Variants in STK32B observed in about 807,000 individuals in gnomAD.
STK32B encodes serine/threonine-protein kinase 32B.
STK32B carries 43 observed loss-of-function variants against 52.6 expected under a neutral mutation model. The ratio of observed to expected loss-of-function variants is 0.82; its 90% CI spans 0.64 to 1.05. STK32B has a LOEUF of 1.05. Among genes scored for constraint, STK32B ranks in the 50% least tolerant of loss-of-function variants. STK32B has a pLI of 0.00. For synonymous variants in STK32B, 238 were observed against 204.3 expected (o/e 1.17, Z -1.41); for missense variants, 621 against 534.6 (o/e 1.16, Z -1.59).
At position 5,316,635 on chromosome 4, in the gene STK32B, TA is replaced by T. The variant is rs1201285417; in HGVS notation, c.261-14583del. ...TATTATATATTATATATATAATATA[TA>T]ATATATTATATATATAATATATAAT... On this transcript the variant is annotated intron_variant, in intron 3 of 11. Coordinates refer to ENST00000282908, the MANE Select transcript of STK32B (RefSeq NM_018401.3). Among the ~76,000 whole-genome samples the T allele has an allele frequency of 8.8e-3, 81 of 9,170 alleles. 8 individuals are homozygous for T. The highest frequency in any genetic ancestry group is 0.01 in the Non-Finnish European group (74 of 7,138). 6.0% of individuals were successfully genotyped at this position (9,170 alleles called of 152,430 possible).
intron 3 of STK32B, among the ~76,000 whole-genome samples, chr4:5,206,107 TCTC>T (rs1198202080): frequency 3.3e-5 from 5 of 152,288 alleles, no homozygotes; most frequent in African/African-American, 1.2e-4. Context: ...GCTATTTCCT[TCTC>T]AAGCCTGTGA....
rs547022428 is a variant in STK32B at position 5,175,389 on chromosome 4, G to C, written c.260+6939G>C. On this transcript the variant is annotated intron_variant, in intron 3 of 11. Coordinates refer to ENST00000282908, the MANE Select transcript of STK32B (RefSeq NM_018401.3). ...AGGAGAAGAGGCACTCTGATTTTTA[G>C]AGTTTCCAGTTTTTCTGCTCTGTTT... Among the ~76,000 whole-genome samples the C allele has an allele frequency of 2.6e-5, 4 of 152,290 alleles. No individual in the cohort carries two copies. In the East Asian group the frequency reaches 7.7e-4, roughly 29 times the overall value.
chr4:5,349,054 A>G (rs116835001), intron 4 of STK32B, among the ~76,000 whole-genome samples: 1,799 of 150,850 alleles, frequency 0.012, 24 homozygotes, highest in African/African-American at 0.042. Context: ...GGGTTGTTCT[A>G]CCATTGTGAC....
At chr4:5,494,192 CATT>C (rs1264389046) in intron 11 of STK32B, among the ~76,000 whole-genome samples, 2 of 152,152 alleles carry the variant, frequency 1.3e-5, no homozygotes, top group African/African-American at 4.8e-5. Context: ...TAAAGTCTCC[CATT>C]ATTATTGTGT....
intron 1 of STK32B, among the ~76,000 whole-genome samples, chr4:5,139,320 G>A (rs1311970234): frequency 6.6e-6 from 1 of 152,182 alleles, no homozygotes; most frequent in Admixed American, 6.5e-5. Context: ...CCTCCATGAG[G>A]ACCTGAGGGC....
At position 5,173,145 on chromosome 4, in the gene STK32B, C is replaced by T. The variant is rs183840513; in HGVS notation, c.260+4695C>T. Among the ~76,000 whole-genome samples the T allele has an allele frequency of 5.3e-3, 799 of 152,174 alleles. 3 individuals carry two copies. The highest frequency in any genetic ancestry group is 8.5e-3 in the African/African-American group (352 of 41,496). ...ATAGTAGTTTGTATTTCTGTGGGAT[C>T]GGTGGTGATATCCCCTTTGTCATTT... On this transcript the variant is annotated intron_variant, in intron 3 of 11. Transcript: ENST00000282908.
chr4:5,242,304 G>C (rs945967250), intron 3 of STK32B, among the ~76,000 whole-genome samples: 14 of 152,302 alleles, frequency 9.2e-5, no homozygotes, highest in Admixed American at 7.2e-4. Context: ...TTGTGGTTTT[G>C]ATTTGCATTT....
chr4:5,378,126 G>A lies in STK32B; in HGVS notation c.435-20081G>A, dbSNP rs558793205. On this transcript the variant is annotated intron_variant, in intron 4 of 11. Coordinates refer to ENST00000282908, the MANE Select transcript of STK32B (RefSeq NM_018401.3). The surrounding 1 kb of genome is among the most constrained non-coding windows in gnomAD (Gnocchi z 4.4). Reference sequence around the variant, plus strand: ...CTGACATAATTAGGAAAATTAAAAAGAACTGAAAAAGGAGTAACTGCCTCC... The same window carrying A: ...CTGACATAATTAGGAAAATTAAAAAAAACTGAAAAAGGAGTAACTGCCTCC... Among the ~76,000 whole-genome samples the A allele has an allele frequency of 3.9e-5, 6 of 152,316 alleles. No homozygotes were observed. The South Asian group carries it at 1.0e-3, about 26-fold the overall frequency.
At position 5,414,087 on chromosome 4, in the gene STK32B, A is replaced by G. The variant is rs1170720211; in HGVS notation, c.473-2758A>G. On this transcript the variant is annotated intron_variant, in intron 5 of 11. Coordinates refer to ENST00000282908, the MANE Select transcript of STK32B (RefSeq NM_018401.3). ...AAAATTGGAAACAACCTGAATACCC[A>G]TAATAGGGAATTGCTGAATAAATGA... 7.2e-5 allele frequency among the ~76,000 whole-genome samples: 11 copies of G among 152,330 alleles called. No homozygotes were observed. The East Asian group carries it at 1.7e-3, about 24-fold the overall frequency.
intron 4 of STK32B, among the ~76,000 whole-genome samples, chr4:5,348,524 C>A (rs1733614350): frequency 6.6e-6 from 1 of 152,198 alleles, no homozygotes; most frequent in African/African-American, 2.4e-5. Context: ...AGAGGGGTGA[C>A]TGCACATTTT....
At chr4:5,433,118 T>C (rs1341855499) in intron 6 of STK32B, among the ~76,000 whole-genome samples, 1 of 151,878 alleles carries the variant, frequency 6.6e-6, no homozygotes, top group Non-Finnish European at 1.5e-5. Context: ...AGGCAAGTGG[T>C]TGAGGGAGCA....
upstream of STK32B, among the ~76,000 whole-genome samples, chr4:5,050,482 A>C (rs1445134757): frequency 1.3e-5 from 2 of 152,152 alleles, no homozygotes; most frequent in Non-Finnish European, 2.9e-5. Flanking sequence ...CTCCCAAGAA[A>C]AAGAAAGAAG....
At chr4:5,274,815 C>G (rs1053556442) in intron 3 of STK32B, among the ~76,000 whole-genome samples, 1 of 152,088 alleles carries the variant, frequency 6.6e-6, no homozygotes, top group Non-Finnish European at 1.5e-5. Context: ...TGCTGTTTGC[C>G]GCGGTTGCAG....
intron 11 of STK32B, among the ~76,000 whole-genome samples, chr4:5,486,242 G>A (rs552681062): frequency 1.3e-5 from 2 of 152,162 alleles, no homozygotes; most frequent in Admixed American, 6.5e-5. Context: ...CACCCAGTTC[G>A]AGCTTCCCAG....
chr4:5,151,597 T>C (rs1717369092), intron 2 of STK32B, among the ~76,000 whole-genome samples: 1 of 152,220 alleles, frequency 6.6e-6, no homozygotes, highest in African/African-American at 2.4e-5. Context: ...CATTGATTTT[T>C]AGCAATAATT....
intron 3 of STK32B, among the ~76,000 whole-genome samples, chr4:5,169,592 A>G (rs1305985100): frequency 6.6e-6 from 1 of 152,140 alleles, no homozygotes; most frequent in African/African-American, 2.4e-5. Flanking sequence ...TGCCACAGAC[A>G]TGGGCATTGC....
chr4:5,468,521 A>G (rs1466624804), intron 11 of STK32B, among the ~76,000 whole-genome samples: 1 of 152,198 alleles, frequency 6.6e-6, no homozygotes, highest in Non-Finnish European at 1.5e-5. Context: ...GAATTAAATG[A>G]GGCTGTGGTC....
chr4:5,150,526 CT>C (rs1277566167), intron 2 of STK32B, among the ~76,000 whole-genome samples: 2 of 152,086 alleles, frequency 1.3e-5, no homozygotes, highest in Admixed American at 1.3e-4. Flanking sequence ...CTTGGTTGGA[CT>C]TACATTGCAT....
chr4:5,494,519 C>G (rs1396843331), intron 11 of STK32B, among the ~76,000 whole-genome samples: 1 of 152,142 alleles, frequency 6.6e-6, no homozygotes, highest in Non-Finnish European at 1.5e-5. Flanking sequence ...TGGCTCTTGA[C>G]TCTTTATCCA....
Sources: gnomAD v4.1 joint callset for allele counts (sites outside exome capture counted in the v4.1 genomes callset) on GRCh38, gnomAD v4.1.1 for gene constraint, Gnocchi (gnomAD v3.1) non-coding constraint, MANE v1.5 for transcripts, NCBI Gene and HGNC (gene_info 2026-07-23, HGNC 2026-07-21) for gene names.